ARHGAP25: variants seen among roughly 807,000 people sequenced by gnomAD.
ARHGAP25 encodes Rho GTPase activating protein 25.
In ARHGAP25, 34 loss-of-function variants were observed where a neutral mutation model predicts 71.0. That is an observed-to-expected ratio of 0.48 (90% CI 0.36 to 0.64). The LOEUF (loss-of-function observed/expected upper bound fraction) is 0.64. Among genes scored for constraint, ARHGAP25 ranks in the 30% least tolerant of loss-of-function variants. The probability of loss-of-function intolerance (pLI) is 0.00; values close to 1 mark genes in which losing one functional copy is unlikely to be tolerated. For missense variants in ARHGAP25, 706 were observed against 805.1 expected (o/e 0.88, Z 1.49); for synonymous variants, 282 against 296.5 (o/e 0.95, Z 0.50).
intron 3 of ARHGAP25, 119 bp from the exon 4 acceptor site, chr2:68,787,721 T>G (rs1176427206): frequency 1.0e-5 from 8 of 779,180 alleles, no homozygotes; most frequent in Non-Finnish European, 1.6e-5. Flanking sequence ...ATTTGTGTTG[T>G]TTGGCTGGTA....
chr2:68,719,123 A>G (rs527419779), intron 2 of ARHGAP25, among the ~76,000 whole-genome samples: 4 of 152,280 alleles, frequency 2.6e-5, no homozygotes, highest in African/African-American at 9.6e-5. Context: ...CTCATCCTAT[A>G]TACCTCTTTA....
chr2:68,821,768 T>C (rs1558665754), intron 9 of ARHGAP25, among the ~76,000 whole-genome samples: 2 of 152,222 alleles, frequency 1.3e-5, no homozygotes, highest in East Asian at 3.8e-4. Flanking sequence ...TTTCATTTTT[T>C]CCTCTGTGAG....
chr2:68,770,026 A>G (rs1459827542), intron 1 of ARHGAP25, among the ~76,000 whole-genome samples: 1 of 152,202 alleles, frequency 6.6e-6, no homozygotes. Flanking sequence ...GGCTCACGTC[A>G]TAAGCAATGC....
chr2:68,798,089 T>G (rs1679699396), intron 4 of ARHGAP25, among the ~76,000 whole-genome samples: 1 of 152,268 alleles, frequency 6.6e-6, no homozygotes, highest in African/African-American at 2.4e-5. Context: ...ATGCTTGTAG[T>G]CAGCCATCTT....
At chr2:68,824,265 TGTCAGA>T (rs11277290) in intron 10 of ARHGAP25, among the ~76,000 whole-genome samples, 80,800 of 151,644 alleles carry the variant, frequency 0.53, 21,917 homozygotes, top group East Asian at 0.86. Flanking sequence ...GCCACAGATG[TGTCAGA>T]GTCCTCTGAA....
At chr2:68,804,883 T>C (rs1450766262) in intron 4 of ARHGAP25, among the ~76,000 whole-genome samples, 2 of 152,158 alleles carry the variant, frequency 1.3e-5, no homozygotes, top group African/African-American at 4.8e-5. Context: ...ACACTAGACA[T>C]TGGGGATGAA....
intron 1 of ARHGAP25, among the ~76,000 whole-genome samples, chr2:68,743,424 A>G (rs1573410179): frequency 6.6e-6 from 1 of 152,208 alleles, no homozygotes; most frequent in Admixed American, 6.5e-5. Flanking sequence ...ATTTGTAGAT[A>G]TAATTGTGGG....
At chr2:68,785,444 G>A (rs1365659575) in intron 3 of ARHGAP25, among the ~76,000 whole-genome samples, 2 of 152,150 alleles carry the variant, frequency 1.3e-5, no homozygotes, top group African/African-American at 4.8e-5. Flanking sequence ...TGAATTGGAT[G>A]TGGGAAAAAG....
chr2:68,825,366 G>A (rs1186834713), intron 10 of ARHGAP25, among the ~76,000 whole-genome samples: 1 of 152,146 alleles, frequency 6.6e-6, no homozygotes, highest in African/African-American at 2.4e-5. Context: ...ATATAGATCT[G>A]TTAGAACTGG....
At chr2:68,750,863 C>T (rs1490323138) in intron 1 of ARHGAP25, among the ~76,000 whole-genome samples, 2 of 152,206 alleles carry the variant, frequency 1.3e-5, no homozygotes, top group Admixed American at 1.3e-4. Flanking sequence ...TAAGGGGTTA[C>T]TGAAACCAAA....
At position 68,735,209 on chromosome 2, in the gene ARHGAP25, A is replaced by C. The variant is rs1675148812; in HGVS notation, c.10A>C (p.Lys4Gln). The C allele has an allele frequency of 1.2e-6, 2 of 1,614,054 alleles. No homozygotes were observed. The highest frequency in any genetic ancestry group is 1.7e-6 in the Non-Finnish European group (2 of 1,179,994). Residue 4 changes from lysine (K) to glutamine (Q), a missense_variant, in exon 1 of 11, where the codon AAA becomes CAA. Lys to Gln is a moderately conservative substitution (Grantham distance 53, BLOSUM62 1). Coordinates refer to ENST00000409202, the MANE Select transcript of ARHGAP25 (RefSeq NM_001007231.3). The stretch of plus-strand genomic sequence containing the variant: ...TTAAACTGGAAGCAAAATGTCCCTA[A>C]AATTGCCAAGGAACTGGGATTTCAA... The part of the protein sequence containing the change: MSL[K>Q]LPRNWDFNLK...
At chr2:68,801,674 A>T (rs1055244144) in intron 4 of ARHGAP25, among the ~76,000 whole-genome samples, 2 of 152,336 alleles carry the variant, frequency 1.3e-5, no homozygotes, top group Non-Finnish European at 2.9e-5. Flanking sequence ...CTGAAAACAG[A>T]TGCTGAGCCA....
At position 68,769,758 on chromosome 2, in the gene ARHGAP25, A is replaced by G. The variant is rs138695916; in HGVS notation, c.62-5463A>G. On this transcript the variant is annotated intron_variant, in intron 1 of 10. Coordinates refer to ENST00000409202, the MANE Select transcript of ARHGAP25 (RefSeq NM_001007231.3). ...TGGGGCCTGAAGGGATTCTTGAAGG[A>G]TAAGTAAGAGTTTTCCAAGAGGTCA... Among the ~76,000 whole-genome samples the G allele has an allele frequency of 2.3e-3, 356 of 151,594 alleles. 1 individual carries two copies. Among genetic ancestry groups the G allele is most frequent in the South Asian group, 0.019 (91 of 4,776 alleles).
At chr2:68,712,861 C>T (rs111678809) in intron 2 of ARHGAP25, among the ~76,000 whole-genome samples, 6 of 151,798 alleles carry the variant, frequency 4.0e-5, no homozygotes, top group African/African-American at 1.5e-4. Context: ...CTGTTCCATT[C>T]GTCTATATAT....
rs1479257895 is a variant in ARHGAP25 at position 68,767,438 on chromosome 2, T to C, written c.62-7783T>C. 6.6e-6 allele frequency among the ~76,000 whole-genome samples: 1 copy of C among 152,050 alleles called. No homozygotes were observed. Among genetic ancestry groups the C allele is most frequent in the Non-Finnish European group, 1.5e-5 (1 of 68,002 alleles). On this transcript the variant is annotated intron_variant, in intron 1 of 10. Coordinates refer to ENST00000409202, the MANE Select transcript of ARHGAP25 (RefSeq NM_001007231.3). The surrounding 1 kb of genome is among the most constrained non-coding windows in gnomAD (Gnocchi z 4.6). ...GTATGTGTGAATGTGGCAGGGGCGT[T>C]GCGTGTGTGTATGTGTGCGGGGTGT...
chr2:68,768,320 A>C (rs55673154), intron 1 of ARHGAP25, among the ~76,000 whole-genome samples: 1 of 152,076 alleles, frequency 6.6e-6, no homozygotes, highest in Non-Finnish European at 1.5e-5. Context: ...TCCATCGTCC[A>C]CTCTGCTCAA....
Position 68,816,376 on chromosome 2 carries a change from G to T in ARHGAP25, c.881+14G>T, listed in dbSNP as rs756653326. The stretch of plus-strand genomic sequence containing the variant: ...CTACATCTGCAGGTGAGAGGCCCCT[G>T]GTATCAACTCTGCAGTTTTCAACCC... On this transcript the variant is annotated intron_variant, in intron 7 of 10. Coordinates refer to ENST00000409202, the MANE Select transcript of ARHGAP25 (RefSeq NM_001007231.3). 1.2e-5 allele frequency: 20 copies of T among 1,601,830 alleles called. No homozygotes were observed. The highest frequency in any genetic ancestry group is 1.7e-5 in the Non-Finnish European group (20 of 1,169,438).
At chr2:68,778,455 A>T (rs1678079918) in intron 2 of ARHGAP25, among the ~76,000 whole-genome samples, 1 of 152,240 alleles carries the variant, frequency 6.6e-6, no homozygotes, top group Admixed American at 6.5e-5. Flanking sequence ...GGGGTTACAC[A>T]TACAATTTCT....
At chr2:68,753,226 A>G (rs963272197) in intron 1 of ARHGAP25, among the ~76,000 whole-genome samples, 1 of 152,228 alleles carries the variant, frequency 6.6e-6, no homozygotes, top group Non-Finnish European at 1.5e-5. Flanking sequence ...AAAGACGTAG[A>G]GAAATTATCT....
Sources: allele counts gnomAD v4.1 joint callset (sites outside exome capture counted in the v4.1 genomes callset), GRCh38; gene constraint gnomAD v4.1.1; non-coding constraint Gnocchi (gnomAD v3.1); transcripts MANE v1.5; gene names NCBI Gene and HGNC (gene_info 2026-07-23, HGNC 2026-07-21).